The following LBP variants were observed in gnomAD, a reference collection of about 807,000 sequenced individuals.
The protein encoded by LBP is lipopolysaccharide binding protein.
A neutral mutation model predicts 56.6 loss-of-function variants in LBP; 53 were observed. That is an observed-to-expected ratio of 0.94 (90% confidence interval 0.75 to 1.18). The LOEUF (loss-of-function observed/expected upper bound fraction) is 1.18, where lower values mean the gene tolerates loss of function less well. LBP is among the 50% of genes most tolerant of loss of function. The pLI, the probability that LBP is intolerant of heterozygous loss-of-function variation, is 0.00. For missense variants in LBP, 601 were observed against 598.3 expected (o/e 1.00, Z -0.05); for synonymous variants, 227 against 247.5 (o/e 0.92, Z 0.78).
At chr20:38,359,902 C>T (rs1036586127) in intron 5 of LBP, among the ~76,000 whole-genome samples, 9 of 152,246 alleles carry the variant, frequency 5.9e-5, no homozygotes, top group African/African-American at 1.9e-4. Flanking sequence ...CCAGGAGTAC[C>T]AGCAGGAATG....
chr20:38,349,565 T>C lies in LBP; in HGVS notation c.142T>C (p.Leu48=), dbSNP rs548503404. The C allele has an allele frequency of 2.2e-5, 35 of 1,608,158 alleles. No homozygotes were observed. The highest frequency in any genetic ancestry group is 2.0e-4 in the African/African-American group (15 of 74,976). Residue 48 remains leucine, a synonymous_variant, in exon 2 of 15, where the codon TTA becomes CTA. Coordinates refer to ENST00000217407, the MANE Select transcript of LBP (RefSeq NM_004139.5). ...GLQYAAQEGL[L]ALQSELLRIT... ...TTCCACAGCGGCCCAGGAGGGGCTA[T>C]TAGCTCTGCAGAGTGAGCTGCTCAG...
intron 3 of LBP, among the ~76,000 whole-genome samples, chr20:38,352,824 A>G (rs1164699056): frequency 6.7e-6 from 1 of 148,860 alleles, no homozygotes; most frequent in Non-Finnish European, 1.5e-5. Flanking sequence ...TTTTAAAATT[A>G]TTTATTATAA....
At chr20:38,360,324 T>C (rs1429322656) in intron 5 of LBP, among the ~76,000 whole-genome samples, 2 of 152,058 alleles carry the variant, frequency 1.3e-5, no homozygotes, top group Non-Finnish European at 2.9e-5. Flanking sequence ...TTATTTCTAG[T>C]TAGTGTCTAG....
At position 38,362,997 on chromosome 20, in the gene LBP, T is replaced by C. The variant is rs11536970; in HGVS notation, c.653-978T>C. Among the ~76,000 whole-genome samples the C allele has an allele frequency of 5.5e-3, 840 of 152,312 alleles. 6 individuals are homozygous for C. The highest frequency in any genetic ancestry group is 0.019 in the African/African-American group (779 of 41,572). ...CATGAGGTCCATGCATATTGTTGCA[T>C]GCACCTGTAGTGTAGCTGGTTTATT... On this transcript the variant is annotated intron_variant, in intron 6 of 14. Coordinates refer to ENST00000217407, the MANE Select transcript of LBP (RefSeq NM_004139.5).
chr20:38,376,702 TG>T lies in LBP; in HGVS notation c.*35del, dbSNP rs2083960809. On this transcript the variant is annotated 3_prime_UTR_variant, in exon 15 of 15. Coordinates refer to ENST00000217407, the MANE Select transcript of LBP (RefSeq NM_004139.5). The stretch of plus-strand genomic sequence containing the variant: ...AAAGATGAAGCTTGGAGGTCACAGC[TG>T]GATCTGCTTGTTGCATTTCCAGCTG... 3.8e-6 allele frequency: 6 copies of T among 1,587,880 alleles called. No individual in the cohort carries two copies. In the East Asian group the frequency reaches 1.3e-4, roughly 35 times the overall value.
At chr20:38,352,424 G>C (rs146991170) in intron 3 of LBP, among the ~76,000 whole-genome samples, 10 of 152,170 alleles carry the variant, frequency 6.6e-5, no homozygotes, top group Admixed American at 4.6e-4. Context: ...TGCAACACTG[G>C]ATTTGAAGAT....
At chr20:38,374,605 A>G (rs1267494631) in intron 14 of LBP, among the ~76,000 whole-genome samples, 3 of 150,958 alleles carry the variant, frequency 2.0e-5, no homozygotes, top group African/African-American at 7.3e-5. Context: ...AAAAAAAAAA[A>G]AAAGAAAGAA....
intron 5 of LBP, among the ~76,000 whole-genome samples, chr20:38,360,350 C>T (rs1334954923): frequency 1.3e-5 from 2 of 151,954 alleles, no homozygotes; most frequent in African/African-American, 4.8e-5. Flanking sequence ...CTATTAAACT[C>T]TAAATTCTGA....
chr20:38,365,166 T>C (rs1432452680), intron 8 of LBP, among the ~76,000 whole-genome samples: 1 of 132,248 alleles, frequency 7.6e-6, no homozygotes, highest in Non-Finnish European at 1.5e-5. Context: ...ACCCAGGAGG[T>C]GGAGGTTGCA....
At chr20:38,366,949 C>A in intron 9 of LBP, 121 bp downstream of exon 9, 1 of 892,854 alleles carries the variant, frequency 1.1e-6, no homozygotes, top group South Asian at 1.4e-5. Flanking sequence ...ATGAGACTCC[C>A]ACTGAAGGCT....
At chr20:38,360,810 A>G in intron 6 of LBP, 43 bp downstream of exon 6, 1 of 1,439,382 alleles carries the variant, frequency 6.9e-7, no homozygotes, top group Admixed American at 1.7e-5. Context: ...ATTTCTGTTA[A>G]TTTCTATAAG....
intron 8 of LBP, among the ~76,000 whole-genome samples, chr20:38,365,612 GC>G (rs2122617205): frequency 6.6e-6 from 1 of 150,874 alleles, no homozygotes; most frequent in African/African-American, 2.4e-5. Context: ...CAGGAGAATT[GC>G]TTGAGCCCAG....
intron 5 of LBP, among the ~76,000 whole-genome samples, chr20:38,358,647 C>T (rs920118252): frequency 3.3e-5 from 5 of 152,192 alleles, no homozygotes; most frequent in African/African-American, 9.7e-5. Context: ...GGTTAAGATA[C>T]AGCCCTTTGC....
intron 6 of LBP, among the ~76,000 whole-genome samples, chr20:38,362,838 C>G (rs1311061465): frequency 1.3e-5 from 2 of 151,830 alleles, no homozygotes; most frequent in Non-Finnish European, 2.9e-5. Context: ...GTCCCAGCTA[C>G]TTGGGAGGCC....
At chr20:38,355,251 C>T in intron 4 of LBP, 95 bp from the exon 5 acceptor site, 1 of 1,103,706 alleles carries the variant, frequency 9.1e-7, no homozygotes, top group African/African-American at 1.5e-5. Flanking sequence ...GAGAGGGCTC[C>T]CTTTGTGGAC....
At chr20:38,373,176 C>CT in intron 13 of LBP, 41 bp downstream of exon 13, 1 of 1,534,758 alleles carries the variant, frequency 6.5e-7, no homozygotes, top group African/African-American at 1.4e-5. Flanking sequence ...AAAGTGAACA[C>CT]TGCTGTCTGG....
At chr20:38,367,855 T>C (rs1385466142) in intron 9 of LBP, among the ~76,000 whole-genome samples, 1 of 152,122 alleles carries the variant, frequency 6.6e-6, no homozygotes, top group East Asian at 1.9e-4. Context: ...TTAAACTCTG[T>C]ACCTATCTCT....
chr20:38,368,037 GAA>G (rs1190482648), intron 9 of LBP, among the ~76,000 whole-genome samples: 1 of 150,242 alleles, frequency 6.7e-6, no homozygotes, highest in Admixed American at 6.6e-5. Context: ...ATTTTAGAAA[GAA>G]AAGTTAAAAA....
rs148401642 is a variant in LBP at position 38,366,027 on chromosome 20, G to A, written c.922-742G>A. ...TGTATAAGGGAGACTGAATTTTACA[G>A]TGGATCTCACCTTTAATGGTTCTCC... On this transcript the variant is annotated intron_variant, in intron 8 of 14. Coordinates refer to ENST00000217407, the MANE Select transcript of LBP (RefSeq NM_004139.5). Among the ~76,000 whole-genome samples, 248 of 152,252 alleles carry A rather than the reference G, an allele frequency of 1.6e-3. 1 individual carries two copies. The highest frequency in any genetic ancestry group is 5.7e-3 in the African/African-American group (235 of 41,548).
Sources: gnomAD v4.1 joint callset for allele counts (sites outside exome capture counted in the v4.1 genomes callset) on GRCh38, gnomAD v4.1.1 for gene constraint, MANE v1.5 for transcripts, NCBI Gene and HGNC (gene_info 2026-07-23, HGNC 2026-07-21) for gene names.